Variants in NCOR2 observed in about 807,000 individuals in gnomAD.
NCOR2 encodes nuclear receptor corepressor 2.
A neutral mutation model predicts 262.9 loss-of-function variants in NCOR2; 81 were observed. That is an observed-to-expected ratio of 0.31 (90% CI 0.26 to 0.37). The LOEUF (loss-of-function observed/expected upper bound fraction) is 0.37, where lower values mean the gene tolerates loss of function less well. Ranked by LOEUF, NCOR2 falls within the 10% of genes least tolerant of loss-of-function variation. The pLI is 1.00. For missense variants in NCOR2, 3,385 were observed against 3,621.4 expected (o/e 0.93, Z 1.68); for synonymous variants, 1,659 against 1,559.3 (o/e 1.06, Z -1.51).
At chr12:124,507,596 G>A (rs572079747) in intron 1 of NCOR2, among the ~76,000 whole-genome samples, 2 of 152,302 alleles carry the variant, frequency 1.3e-5, no homozygotes, top group East Asian at 1.9e-4. Flanking sequence ...GCTGGGCAGC[G>A]ACTTGCACCT....
chr12:124,356,255 G>A (rs1193054907), intron 23 of NCOR2, among the ~76,000 whole-genome samples: 1 of 152,242 alleles, frequency 6.6e-6, no homozygotes, highest in Non-Finnish European at 1.5e-5. Flanking sequence ...GGCCCAGCAG[G>A]ACTGCAGGAC....
chr12:124,434,235 AG>A (rs1449984075), intron 8 of NCOR2, among the ~76,000 whole-genome samples: 1 of 152,018 alleles, frequency 6.6e-6, no homozygotes, highest in Non-Finnish European at 1.5e-5. Context: ...CTGACTCCCC[AG>A]TGGGGGTGAG....
chr12:124,466,445 G>A (rs559829863), intron 4 of NCOR2, among the ~76,000 whole-genome samples, 159 bp from the exon 7 acceptor site: 2 of 152,232 alleles, frequency 1.3e-5, no homozygotes, highest in Admixed American at 6.5e-5. Context: ...CAGGGACTCC[G>A]CACCCGGGAG....
intron 13 of NCOR2, among the ~76,000 whole-genome samples, chr12:124,412,771 CAG>C (rs1206072547): frequency 6.6e-6 from 1 of 152,284 alleles, no homozygotes; most frequent in African/African-American, 2.4e-5. Flanking sequence ...CTTGGAAATG[CAG>C]AGTCTTGGAT....
chr12:124,426,854 G>A (rs939097444), intron 10 of NCOR2, 54 bp from the exon 13 acceptor site: 49 of 1,484,514 alleles, frequency 3.3e-5, no homozygotes, highest in African/African-American at 1.4e-4. Context: ...TGCTCCGGCC[G>A]GCGCAGGGGA....
At chr12:124,384,596 T>C (rs551596879) in intron 17 of NCOR2, among the ~76,000 whole-genome samples, 1 of 152,182 alleles carries the variant, frequency 6.6e-6, no homozygotes, top group African/African-American at 2.4e-5. Context: ...GGTGGAAGGA[T>C]GTCCTTAAAT....
intron 10 of NCOR2, among the ~76,000 whole-genome samples, chr12:124,429,125 G>A (rs1047341780): frequency 1.3e-5 from 2 of 152,254 alleles, no homozygotes; most frequent in African/African-American, 2.4e-5. Context: ...CTGCGAGAAG[G>A]TCGTGGCTGC....
chr12:124,492,325 C>T (rs988007406), intron 1 of NCOR2, among the ~76,000 whole-genome samples: 2 of 152,208 alleles, frequency 1.3e-5, no homozygotes, highest in Non-Finnish European at 2.9e-5. Context: ...GAGGCCGTTC[C>T]ACGTGGCTGT....
chr12:124,528,217 T>C (rs557767115), intron 1 of NCOR2, among the ~76,000 whole-genome samples: 1 of 152,272 alleles, frequency 6.6e-6, no homozygotes, highest in African/African-American at 2.4e-5. Context: ...GGGATGACTA[T>C]GAGACGGAAG....
At chr12:124,347,869 T>C in exon 30 of NCOR2, 3 of 1,568,668 alleles carry the variant, frequency 1.9e-6, no homozygotes, top group Non-Finnish European at 2.6e-6. Flanking sequence ...TTTGAGGTGG[T>C]GGGGGCTGTG....
At chr12:124,325,377 G>GCCGGC in exon 47 of NCOR2, 3 of 246,788 alleles carry the variant, frequency 1.2e-5, no homozygotes, top group Non-Finnish European at 2.0e-5. Flanking sequence ...ACCTGACACC[G>GCCGGC]CCCCCCCCCC....
rs993557946 is a variant in NCOR2, at chr12:124,548,958, C to T, written c.-164-13347G>A. Among the ~76,000 whole-genome samples, 2 of 152,184 alleles carry T rather than the reference C, an allele frequency of 1.3e-5. No homozygotes were observed. The highest frequency in any genetic ancestry group is 1.3e-4 in the Admixed American group (2 of 15,284). On this transcript the variant is annotated intron_variant, in intron 1 of 32. Transcript: ENST00000458234. The surrounding 1 kb of genome is among the most constrained non-coding windows in gnomAD (Gnocchi z 5.1). ...CAGCCACTCCTCCCTCTCGTTTCCC[C>T]GCTTCCCCTTACCCGACGGTTGGGG... is the stretch of plus-strand genomic sequence containing the variant.
chr12:124,346,882 C>G, intron 30 of NCOR2, 32 bp from the exon 33 acceptor site: 1 of 1,495,938 alleles, frequency 6.7e-7, no homozygotes, highest in South Asian at 1.3e-5. Context: ...CCCTCACGCC[C>G]CGCCCCACCC....
intron 1 of NCOR2, among the ~76,000 whole-genome samples, chr12:124,541,636 T>G (rs1594039879): frequency 5.7e-4 from 1 of 1,740 alleles, no homozygotes; most frequent in African/African-American, 4.3e-3. Context: ...GGGGTGGGGA[T>G]GGAGCTGGAG....
intron 10 of NCOR2, among the ~76,000 whole-genome samples, chr12:124,428,284 G>A (rs1343675633): frequency 6.6e-6 from 1 of 152,228 alleles, no homozygotes; most frequent in African/African-American, 2.4e-5. Flanking sequence ...CGAGGGCCGG[G>A]CCCTGTGGCT....
chr12:124,542,031 G>C (rs528097135), intron 1 of NCOR2, among the ~76,000 whole-genome samples: 102 of 151,880 alleles, frequency 6.7e-4, no homozygotes, highest in African/African-American at 2.2e-3. Flanking sequence ...GTGTGGGGCA[G>C]GGCCAGCGAG....
intron 46 of NCOR2, 168 bp downstream of exon 48, chr12:124,326,023 T>G: frequency 2.8e-6 from 2 of 708,810 alleles, no homozygotes; most frequent in Non-Finnish European, 4.1e-6. Context: ...ATCCTGATGG[T>G]TCGTGAGCCA....
At chr12:124,466,211 G>A in exon 5 of NCOR2, 1 of 1,610,870 alleles carries the variant, frequency 6.2e-7, no homozygotes, top group Non-Finnish European at 8.5e-7. Context: ...AGGCTGCGGT[G>A]CTTCGACTCG....
Position 124,341,257 on chromosome 12 carries a change from C to T in NCOR2, c.5189-506G>A, listed in dbSNP as rs1226463781. On this transcript the variant is annotated intron_variant, in intron 34 of 46. Coordinates refer to ENST00000405201, the Ensembl canonical transcript of NCOR2. ...CACATTTTCATCTTTTTTTTTTTTT[C>T]GAGACACAGTCTTGCCCTGTTGCCC... Among the ~76,000 whole-genome samples the T allele has an allele frequency of 5.5e-5, 8 of 145,854 alleles. 1 individual carries two copies. Among genetic ancestry groups the T allele is most frequent in the South Asian group, 4.4e-4 (2 of 4,592 alleles).
Sources: allele counts gnomAD v4.1 joint callset (sites outside exome capture counted in the v4.1 genomes callset), GRCh38; gene constraint gnomAD v4.1.1; non-coding constraint Gnocchi (gnomAD v3.1); transcripts MANE v1.5; gene names NCBI Gene and HGNC (gene_info 2026-07-23, HGNC 2026-07-21).